The following UBE2E2 variants were observed in gnomAD, a reference collection of about 807,000 sequenced individuals.
UBE2E2 encodes the protein ubiquitin-conjugating enzyme E2 E2.
In UBE2E2, 6 loss-of-function variants were observed where a neutral mutation model predicts 24.7. That is an observed-to-expected ratio of 0.24 (90% CI 0.13 to 0.48). The LOEUF is 0.48. Among genes scored for constraint, UBE2E2 ranks in the 20% least tolerant of loss-of-function variants. The pLI is 0.99. For synonymous variants in UBE2E2, 104 were observed against 83.6 expected (o/e 1.24, Z -1.33); for missense variants, 169 against 245.0 (o/e 0.69, Z 2.07).
intron 3 of UBE2E2, among the ~76,000 whole-genome samples, chr3:23,484,223 T>A (rs1699314276): frequency 6.6e-6 from 1 of 152,170 alleles, no homozygotes; most frequent in Non-Finnish European, 1.5e-5. Flanking sequence ...AAAATCCACT[T>A]CACCTTTCCA....
chr3:23,213,700 C>A (rs537613236), intron 2 of UBE2E2, among the ~76,000 whole-genome samples: 1 of 152,088 alleles, frequency 6.6e-6, no homozygotes, highest in Admixed American at 6.5e-5. Context: ...TCTTGTTTGA[C>A]TTAGCAAGAT....
intron 5 of UBE2E2, among the ~76,000 whole-genome samples, chr3:23,567,415 T>G (rs1490097650): frequency 6.6e-6 from 1 of 152,154 alleles, no homozygotes; most frequent in Non-Finnish European, 1.5e-5. Context: ...AACAGGAAAC[T>G]ACTGAATACA....
chr3:23,588,870 AT>A (rs1696693169), intron 5 of UBE2E2, among the ~76,000 whole-genome samples: 1 of 152,110 alleles, frequency 6.6e-6, no homozygotes, highest in Admixed American at 6.5e-5. Flanking sequence ...ATCTATTAGT[AT>A]TTTTGTAATA....
intron 3 of UBE2E2, among the ~76,000 whole-genome samples, chr3:23,274,744 A>G (rs1375275502): frequency 1.3e-5 from 2 of 152,180 alleles, no homozygotes; most frequent in African/African-American, 4.8e-5. Flanking sequence ...TTGGTTTTTA[A>G]AATAATGATA....
chr3:23,265,259 G>C (rs912193453), intron 3 of UBE2E2, among the ~76,000 whole-genome samples: 2 of 152,178 alleles, frequency 1.3e-5, no homozygotes, highest in Non-Finnish European at 2.9e-5. Context: ...ACTTGAAGGG[G>C]ATGGAATTCA....
chr3:23,494,307 T>C (rs1045145623), intron 3 of UBE2E2, among the ~76,000 whole-genome samples: 5 of 152,248 alleles, frequency 3.3e-5, no homozygotes, highest in Non-Finnish European at 5.9e-5. Context: ...AAGCATATTT[T>C]CATACATCTT....
At chr3:23,419,263 C>T (rs1203846587) in intron 3 of UBE2E2, among the ~76,000 whole-genome samples, 2 of 152,172 alleles carry the variant, frequency 1.3e-5, no homozygotes, top group Non-Finnish European at 2.9e-5. Context: ...GCCACCATAT[C>T]TAGCCCACAA....
chr3:23,294,794 G>T (rs1452721821), intron 3 of UBE2E2, among the ~76,000 whole-genome samples: 3 of 148,462 alleles, frequency 2.0e-5, no homozygotes, highest in East Asian at 3.9e-4. Flanking sequence ...TGTATCTTTA[G>T]ATTATTTGTA....
intron 2 of UBE2E2, among the ~76,000 whole-genome samples, chr3:23,210,915 A>G (rs1382902931): frequency 2.6e-5 from 4 of 152,216 alleles, no homozygotes. Flanking sequence ...AAATATAAAA[A>G]TGCGGCTTCA....
chr3:23,467,689 A>G (rs1424771496), intron 3 of UBE2E2, among the ~76,000 whole-genome samples: 1 of 152,152 alleles, frequency 6.6e-6, no homozygotes, highest in African/African-American at 2.4e-5. Context: ...TAGCCTCACT[A>G]TACTTCTAAG....
chr3:23,444,666 G>T (rs1330727605), intron 3 of UBE2E2, among the ~76,000 whole-genome samples: 2 of 152,176 alleles, frequency 1.3e-5, no homozygotes, highest in Non-Finnish European at 2.9e-5. Flanking sequence ...AACACTGCAG[G>T]AAGTCATCTT....
At chr3:23,410,162 TATA>T (rs1312410017) in intron 3 of UBE2E2, among the ~76,000 whole-genome samples, 4 of 151,542 alleles carry the variant, frequency 2.6e-5, no homozygotes, top group African/African-American at 9.7e-5. Context: ...ATGGTTTTGG[TATA>T]ATACTATTAA....
chr3:23,542,196 T>C (rs1180771916), intron 5 of UBE2E2, among the ~76,000 whole-genome samples: 1 of 152,204 alleles, frequency 6.6e-6, no homozygotes, highest in Non-Finnish European at 1.5e-5. Context: ...GATGTGTATT[T>C]TTTAATCTTG....
intron 3 of UBE2E2, among the ~76,000 whole-genome samples, chr3:23,423,295 CA>C (rs1283867057): frequency 6.6e-6 from 1 of 152,170 alleles, no homozygotes; most frequent in African/African-American, 2.4e-5. Context: ...AGATCTAATA[CA>C]TTAGCAAAGT....
intron 3 of UBE2E2, among the ~76,000 whole-genome samples, chr3:23,300,212 A>G (rs943005379): frequency 9.9e-5 from 15 of 152,168 alleles, no homozygotes; most frequent in African/African-American, 3.6e-4. Context: ...AATACAGCAC[A>G]CTGGTGGGTC....
intron 3 of UBE2E2, among the ~76,000 whole-genome samples, chr3:23,230,320 C>T (rs1381486249): frequency 6.6e-6 from 1 of 152,188 alleles, no homozygotes; most frequent in East Asian, 1.9e-4. Context: ...ATAGGACTTC[C>T]TCAAGGATGT....
At chr3:23,313,261 A>G (rs1344475714) in intron 3 of UBE2E2, among the ~76,000 whole-genome samples, 3 of 151,904 alleles carry the variant, frequency 2.0e-5, no homozygotes, top group Non-Finnish European at 4.4e-5. Flanking sequence ...TTGTCTGATT[A>G]TAGCTACTCC....
At chr3:23,325,724 G>A (rs1420235542) in intron 3 of UBE2E2, among the ~76,000 whole-genome samples, 1 of 152,228 alleles carries the variant, frequency 6.6e-6, no homozygotes, top group Non-Finnish European at 1.5e-5. Flanking sequence ...ATGTGCTACT[G>A]TGAGAAATAT....
chr3:23,291,081 AC>A (rs67271636), intron 3 of UBE2E2, among the ~76,000 whole-genome samples: 14,163 of 145,112 alleles, frequency 0.098, 1,051 homozygotes, highest in Non-Finnish European at 0.12. Flanking sequence ...AAAAAAAAAA[AC>A]AAAAAACGTG....
Sources: allele counts gnomAD v4.1 joint callset (sites outside exome capture counted in the v4.1 genomes callset), GRCh38; gene constraint gnomAD v4.1.1; transcripts MANE v1.5; gene names NCBI Gene and HGNC (gene_info 2026-07-23, HGNC 2026-07-21).